Variants in MLXIP observed in about 807,000 individuals in gnomAD.
MLXIP encodes the protein MLX interacting protein, also known as MLX-interacting protein.
Under a neutral mutation model 87.2 loss-of-function variants are expected in MLXIP, and 30 were observed. The observed-to-expected ratio is 0.34, with a 90% CI of 0.26 to 0.47. MLXIP has a LOEUF of 0.47. Among genes scored for constraint, MLXIP ranks in the 20% least tolerant of loss-of-function variants. The probability of loss-of-function intolerance (pLI) is 1.00; values close to 1 mark genes in which losing one functional copy is unlikely to be tolerated. For synonymous variants in MLXIP, 530 were observed against 514.0 expected, an observed-to-expected ratio of 1.03 and a Z score of -0.42; for missense variants, 1,002 against 1,240.1, an observed-to-expected ratio of 0.81 and a Z score of 2.88.
At chr12:122,080,977 C>G (rs1280016935) in intron 1 of MLXIP, among the ~76,000 whole-genome samples, 1 of 152,148 alleles carries the variant, frequency 6.6e-6, no homozygotes, top group Non-Finnish European at 1.5e-5. Context: ...GGAAAGGTCT[C>G]ACCTAAGTAA....
At chr12:122,129,650 T>C in intron 5 of MLXIP, 21 bp downstream of exon 5, 2 of 1,569,204 alleles carry the variant, frequency 1.3e-6, no homozygotes, top group Non-Finnish European at 1.7e-6. Flanking sequence ...CTGGGAGCTC[T>C]GAGGACCCCC....
At chr12:122,095,874 A>T (rs1022531424) in intron 1 of MLXIP, among the ~76,000 whole-genome samples, 7 of 149,284 alleles carry the variant, frequency 4.7e-5, no homozygotes, top group East Asian at 3.9e-4. Flanking sequence ...TTTTATTATT[A>T]TTTTTTTTTG....
chr12:122,124,545 GC>G (rs1952848263), intron 1 of MLXIP, among the ~76,000 whole-genome samples: 1 of 148,896 alleles, frequency 6.7e-6, no homozygotes, highest in Non-Finnish European at 1.5e-5. Flanking sequence ...GCTGACCTCT[GC>G]CCAGGTCTCT....
At position 122,120,600 on chromosome 12, in the gene MLXIP, A is replaced by G. The variant is rs78571599; in HGVS notation, c.414-6656A>G. ...TAAAATGGTTAAAATGGTAAATTTTATATTTATTTTACTACAAGAAAAAGA... is the reference window on the plus strand; with the variant it reads ...TAAAATGGTTAAAATGGTAAATTTTGTATTTATTTTACTACAAGAAAAAGA... On this transcript the variant is annotated intron_variant, in intron 1 of 16. Transcript: ENST00000319080. Among the ~76,000 whole-genome samples the G allele has an allele frequency of 3.7e-3, 566 of 152,336 alleles. 6 individuals carry two copies. Among genetic ancestry groups the G allele is most frequent in the African/African-American group, 0.013 (537 of 41,586 alleles).
intron 3 of MLXIP, chr12:122,128,909 A>C (rs1256985937): frequency 1.8e-6 from 1 of 554,740 alleles, no homozygotes; most frequent in Non-Finnish European, 3.2e-6. Flanking sequence ...CGTGCCCCCA[A>C]GGCCTTTGGC....
At position 122,092,029 on chromosome 12, in the gene MLXIP, C is replaced by T. The variant is rs142819693; in HGVS notation, c.413+12763C>T. 8.9e-3 allele frequency among the ~76,000 whole-genome samples: 1,358 copies of T among 152,274 alleles called. 19 individuals carry two copies. Among genetic ancestry groups the T allele is most frequent in the African/African-American group, 0.019 (800 of 41,556 alleles). On this transcript the variant is annotated intron_variant, in intron 1 of 16. Transcript: ENST00000319080. ...AGGCGGTGTGCTGTTTGCCACAGAA[C>T]GGCTCTGGCACAAGAAATATTTTTT...
At chr12:122,139,296 CAGGG>C (rs1953154426) in intron 15 of MLXIP, among the ~76,000 whole-genome samples, 1 of 152,230 alleles carries the variant, frequency 6.6e-6, no homozygotes, top group African/African-American at 2.4e-5. Flanking sequence ...CTCGAAGCCA[CAGGG>C]AGGGTGAGTG....
intron 1 of MLXIP, among the ~76,000 whole-genome samples, chr12:122,114,473 A>G (rs75661051): frequency 0.15 from 22,636 of 152,152 alleles, 2,013 homozygotes; most frequent in Non-Finnish European, 0.21. Flanking sequence ...GATCCATTCT[A>G]CCCCTGTGGT....
chr12:122,138,505 G>A lies in MLXIP; in HGVS notation c.2338G>A (p.Ala780Thr), dbSNP rs1403140633. The A allele has an allele frequency of 3.1e-6, 5 of 1,613,782 alleles. No homozygotes were observed. The African/African-American group carries it at 6.7e-5, about 22-fold the overall frequency. ...GGAGAGAGGCCAGATGCAGGAGGAG[G>A]CCCGGCGGCTGCGGGAGGAGATCGA... ...QQERGQMQEE[A>T]RRLREEIEEL... The change falls in exon 14 of 17, where the codon GCC becomes ACC. Residue 780 changes from alanine to threonine, a missense_variant. Coordinates refer to ENST00000319080, the MANE Select transcript of MLXIP (RefSeq NM_014938.6).
At chr12:122,141,609 A>C (rs1435123342) in intron 16 of MLXIP, 82 bp from the exon 17 acceptor site, 5 of 1,562,122 alleles carry the variant, frequency 3.2e-6, no homozygotes, top group Non-Finnish European at 4.3e-6. Context: ...GCATTCCCAC[A>C]TGGGTTGTAG....
At chr12:122,109,986 G>A (rs932984628) in intron 1 of MLXIP, among the ~76,000 whole-genome samples, 3 of 152,138 alleles carry the variant, frequency 2.0e-5, no homozygotes, top group South Asian at 2.1e-4. Context: ...ATGGAAGTGG[G>A]TGTGACCCCA....
At chr12:122,101,833 C>T (rs1196073610) in intron 1 of MLXIP, among the ~76,000 whole-genome samples, 1 of 152,134 alleles carries the variant, frequency 6.6e-6, no homozygotes, top group Non-Finnish European at 1.5e-5. Flanking sequence ...CCCACCTTGG[C>T]CTCCCAAAGT....
intron 1 of MLXIP, among the ~76,000 whole-genome samples, chr12:122,102,027 ACTT>A (rs1952446287): frequency 6.6e-6 from 1 of 152,216 alleles, no homozygotes; most frequent in African/African-American, 2.4e-5. Flanking sequence ...TTCTCATTAT[ACTT>A]CTTAAATTAT....
intron 1 of MLXIP, among the ~76,000 whole-genome samples, chr12:122,089,231 A>G (rs1952212206): frequency 6.6e-6 from 1 of 152,166 alleles, no homozygotes; most frequent in Non-Finnish European, 1.5e-5. Flanking sequence ...TCATATGGTT[A>G]CATGGTCACA....
At chr12:122,125,554 G>A (rs1952868301) in intron 1 of MLXIP, among the ~76,000 whole-genome samples, 1 of 152,226 alleles carries the variant, frequency 6.6e-6, no homozygotes, top group Admixed American at 6.5e-5. Context: ...CACTGCTGTG[G>A]TAGGCAGCAG....
chr12:122,095,461 G>A (rs1353164274), intron 1 of MLXIP, among the ~76,000 whole-genome samples: 4 of 152,000 alleles, frequency 2.6e-5, no homozygotes, highest in Non-Finnish European at 5.9e-5. Flanking sequence ...CATAGGCCTC[G>A]AATCCAGATT....
intron 7 of MLXIP, among the ~76,000 whole-genome samples, chr12:122,132,086 G>A (rs1030150181): frequency 6.6e-6 from 1 of 151,920 alleles, no homozygotes; most frequent in African/African-American, 2.4e-5. Flanking sequence ...ACTACACCCA[G>A]CTAATTTTTG....
rs772735532 is a variant in MLXIP at position 122,135,032 on chromosome 12, A to G, written c.1733-192A>G. 1 of 628,276 alleles carries G rather than the reference A, an allele frequency of 1.6e-6. No homozygotes were observed. Among genetic ancestry groups the G allele is most frequent in the Non-Finnish European group, 2.8e-6 (1 of 355,040 alleles). 38.9% of individuals were successfully genotyped at this position (628,276 alleles called of 1,614,324 possible). A position where few individuals can be genotyped will look rare whatever the true frequency, so the allele number is the denominator to read the frequency against. ...ACAGTGTGAAAACATGGTCCTGGCC[A>G]TCTCTTTCCTGGGTCTATAACATGT... On this transcript the variant is annotated intron_variant, in intron 9 of 16. Coordinates refer to ENST00000319080, the MANE Select transcript of MLXIP (RefSeq NM_014938.6). The surrounding 1 kb of genome is among the most constrained non-coding windows in gnomAD (Gnocchi z 5.3).
intron 15 of MLXIP, among the ~76,000 whole-genome samples, chr12:122,140,070 T>G (rs530611437): frequency 6.6e-6 from 1 of 152,296 alleles, no homozygotes; most frequent in Admixed American, 6.5e-5. Flanking sequence ...TCCCTGTCAT[T>G]AATAGAGCTG....
Sources: allele counts gnomAD v4.1 joint callset (sites outside exome capture counted in the v4.1 genomes callset), GRCh38; gene constraint gnomAD v4.1.1; non-coding constraint Gnocchi (gnomAD v3.1); transcripts MANE v1.5; gene names NCBI Gene and HGNC (gene_info 2026-07-23, HGNC 2026-07-21).